NT5DC1: variants seen among roughly 807,000 people sequenced by gnomAD.
NT5DC1 encodes the protein 5'-nucleotidase domain-containing protein 1.
A neutral mutation model predicts 59.4 loss-of-function variants in NT5DC1; 42 were observed. The observed-to-expected ratio is 0.71, with a 90% CI of 0.55 to 0.92. The LOEUF (loss-of-function observed/expected upper bound fraction) is 0.92, where lower values mean the gene tolerates loss of function less well. Among genes scored for constraint, NT5DC1 ranks in the 40% least tolerant of loss-of-function variants. NT5DC1 has a pLI of 0.00. For synonymous variants in NT5DC1, 172 were observed against 188.1 expected (o/e 0.91, Z 0.70); for missense variants, 501 against 537.1 (o/e 0.93, Z 0.66).
At chr6:116,202,780 T>G (rs1246351823) in intron 6 of NT5DC1, among the ~76,000 whole-genome samples, 1 of 152,006 alleles carries the variant, frequency 6.6e-6, no homozygotes, top group East Asian at 1.9e-4. Flanking sequence ...CTATTTTTAT[T>G]ATTGTTAACT....
chr6:116,152,483 A>C (rs554923267), intron 6 of NT5DC1, among the ~76,000 whole-genome samples: 1 of 152,098 alleles, frequency 6.6e-6, no homozygotes, highest in South Asian at 2.1e-4. Flanking sequence ...GTGATTATCT[A>C]CCCCACCGTG....
intron 4 of NT5DC1, among the ~76,000 whole-genome samples, chr6:116,111,841 G>A (rs932760634): frequency 6.6e-6 from 1 of 152,182 alleles, no homozygotes; most frequent in Non-Finnish European, 1.5e-5. Flanking sequence ...TCACACTGGG[G>A]TTAGATATAG....
rs576042102 is a variant in NT5DC1 at position 116,182,596 on chromosome 6, T to G, written c.530-38458T>G. Among the ~76,000 whole-genome samples, 5 of 152,192 alleles carry G rather than the reference T, an allele frequency of 3.3e-5. No individual in the cohort carries two copies. The South Asian group carries it at 1.0e-3, about 32-fold the overall frequency. On this transcript the variant is annotated intron_variant, in intron 6 of 11. Transcript: ENST00000319550. Reference sequence around the variant, plus strand: ...GGCCATTGTCGCAGGAGTAAGGTGGTATCACATTATGGTTTTGGTTTGCAT... The same window carrying G: ...GGCCATTGTCGCAGGAGTAAGGTGGGATCACATTATGGTTTTGGTTTGCAT...
chr6:116,187,011 C>T (rs566122909), intron 6 of NT5DC1, among the ~76,000 whole-genome samples: 5 of 151,960 alleles, frequency 3.3e-5, no homozygotes, highest in East Asian at 1.9e-4. Context: ...ATGGTAGATC[C>T]GGGACTCAAG....
intron 6 of NT5DC1, among the ~76,000 whole-genome samples, chr6:116,214,217 C>G (rs1204787): frequency 0.63 from 95,205 of 151,898 alleles, 31,712 homozygotes; most frequent in African/African-American, 0.87. Flanking sequence ...TCTCAAGGCT[C>G]AGAAATGAAA....
chr6:116,145,012 A>G (rs989161852), intron 6 of NT5DC1, among the ~76,000 whole-genome samples: 21 of 152,220 alleles, frequency 1.4e-4, no homozygotes, highest in Admixed American at 1.2e-3. Context: ...ATTATGTACC[A>G]ATTATAGATT....
chr6:116,208,987 GT>G (rs1781517051), intron 6 of NT5DC1, among the ~76,000 whole-genome samples: 1 of 151,960 alleles, frequency 6.6e-6, no homozygotes, highest in East Asian at 1.9e-4. Context: ...TCTTTCATTA[GT>G]TTGATCACAA....
At chr6:116,118,581 C>CAT (rs3051954) in intron 6 of NT5DC1, among the ~76,000 whole-genome samples, 70,704 of 151,818 alleles carry the variant, frequency 0.47, 18,446 homozygotes, top group African/African-American at 0.71. Flanking sequence ...TTGTGATTGA[C>CAT]AAAAAAATTG....
intron 6 of NT5DC1, among the ~76,000 whole-genome samples, chr6:116,181,665 C>T (rs933997382): frequency 1.3e-5 from 2 of 151,856 alleles, no homozygotes; most frequent in African/African-American, 2.4e-5. Flanking sequence ...TGGAAACTTA[C>T]AAAATGCAAG....
At chr6:116,138,456 A>C (rs574784484) in intron 6 of NT5DC1, among the ~76,000 whole-genome samples, 2 of 152,202 alleles carry the variant, frequency 1.3e-5, no homozygotes, top group East Asian at 3.8e-4. Flanking sequence ...ATTGGTGAAC[A>C]CTGTTTTTAA....
intron 6 of NT5DC1, among the ~76,000 whole-genome samples, chr6:116,183,294 A>G (rs573389516): frequency 2.0e-5 from 3 of 152,156 alleles, no homozygotes; most frequent in East Asian, 1.9e-4. Context: ...GTATAGTTCA[A>G]AGTTGGGTAA....
At chr6:116,242,571 C>T (rs1017874964) in intron 11 of NT5DC1, among the ~76,000 whole-genome samples, 1 of 151,656 alleles carries the variant, frequency 6.6e-6, no homozygotes, top group African/African-American at 2.4e-5. Flanking sequence ...TGAGAGAGAT[C>T]ACTTCATAAT....
chr6:116,215,214 A>G (rs750522712), intron 6 of NT5DC1, among the ~76,000 whole-genome samples: 21 of 152,294 alleles, frequency 1.4e-4, no homozygotes, highest in Non-Finnish European at 2.9e-4. Context: ...ATAAAGGAGG[A>G]CACATGCTTC....
intron 6 of NT5DC1, among the ~76,000 whole-genome samples, chr6:116,162,249 C>T (rs1006805773): frequency 3.9e-5 from 6 of 152,210 alleles, no homozygotes; most frequent in East Asian, 1.9e-4. Flanking sequence ...TCCACTTTTC[C>T]GATTTGGATG....
At chr6:116,193,668 CAA>C (rs113506620) in intron 6 of NT5DC1, among the ~76,000 whole-genome samples, 85 of 152,132 alleles carry the variant, frequency 5.6e-4, no homozygotes, top group South Asian at 4.1e-3. Flanking sequence ...CATTTAAAAA[CAA>C]GAGTATTTTC....
intron 6 of NT5DC1, among the ~76,000 whole-genome samples, chr6:116,158,201 G>A (rs1780246079): frequency 6.6e-6 from 1 of 152,062 alleles, no homozygotes; most frequent in Admixed American, 6.5e-5. Context: ...TCATTGTTGG[G>A]AGATGTTTAG....
At chr6:116,174,884 A>G (rs990878999) in intron 6 of NT5DC1, among the ~76,000 whole-genome samples, 12 of 152,186 alleles carry the variant, frequency 7.9e-5, no homozygotes, top group African/African-American at 2.9e-4. Flanking sequence ...ATTTTAGGAT[A>G]GCAAGGGTTT....
At chr6:116,131,810 T>A (rs182031526) in intron 6 of NT5DC1, among the ~76,000 whole-genome samples, 1 of 152,272 alleles carries the variant, frequency 6.6e-6, no homozygotes, top group Admixed American at 6.5e-5. Context: ...TTTTTCCTAA[T>A]CCTCTTCCTC....
chr6:116,174,680 A>T (rs949790912), intron 6 of NT5DC1, among the ~76,000 whole-genome samples: 4 of 152,164 alleles, frequency 2.6e-5, no homozygotes, highest in African/African-American at 9.6e-5. Context: ...TTCGATTTTT[A>T]TACAGGTACT....
Sources: gnomAD v4.1 joint callset for allele counts (sites outside exome capture counted in the v4.1 genomes callset) on GRCh38, gnomAD v4.1.1 for gene constraint, MANE v1.5 for transcripts, NCBI Gene and HGNC (gene_info 2026-07-23, HGNC 2026-07-21) for gene names.